The following SCFD1 variants were observed in gnomAD, a reference collection of about 807,000 sequenced individuals.
The protein encoded by SCFD1 is sec1 family domain-containing protein 1.
Under a neutral mutation model 103.2 loss-of-function variants are expected in SCFD1, and 37 were observed. The observed-to-expected ratio is 0.36, with a 90% CI of 0.28 to 0.47. SCFD1 has a LOEUF of 0.47. Among genes scored for constraint, SCFD1 ranks in the 20% least tolerant of loss-of-function variants. SCFD1 has a pLI of 1.00. For missense variants in SCFD1, 639 were observed against 761.2 expected, an observed-to-expected ratio of 0.84 and a Z score of 1.89; for synonymous variants, 264 against 245.0, an observed-to-expected ratio of 1.08 and a Z score of -0.73.
At chr14:30,650,244 T>G (rs1482585790) in intron 8 of SCFD1, among the ~76,000 whole-genome samples, 2 of 148,828 alleles carry the variant, frequency 1.3e-5, no homozygotes, top group African/African-American at 5.0e-5. Context: ...ACACCTTCCT[T>G]GATAAAACAG....
intron 10 of SCFD1, among the ~76,000 whole-genome samples, chr14:30,667,752 T>C (rs1368924536): frequency 6.6e-6 from 1 of 152,178 alleles, no homozygotes; most frequent in South Asian, 2.1e-4. Flanking sequence ...AGCATTCTTA[T>C]ACGCAAATAA....
At chr14:30,683,339 AC>A in intron 14 of SCFD1, 1 of 610,294 alleles carries the variant, frequency 1.6e-6, no homozygotes, top group Non-Finnish European at 2.9e-6. Context: ...AAGGGTAGTC[AC>A]TGGGGAACTC....
At chr14:30,707,718 T>G in intron 18 of SCFD1, 1 of 415,240 alleles carries the variant, frequency 2.4e-6, no homozygotes, top group East Asian at 5.8e-5. Context: ...GAAATTAAGA[T>G]GTTTATTTTG....
chr14:30,726,406 CTCATT>C (rs1893045773), intron 23 of SCFD1, among the ~76,000 whole-genome samples: 1 of 152,138 alleles, frequency 6.6e-6, no homozygotes, highest in Admixed American at 6.5e-5. Flanking sequence ...TATACATTTG[CTCATT>C]CATTTGGTCA....
Position 30,638,178 on chromosome 14 carries a change from T to C in SCFD1, c.366T>C (p.Ile122=), listed in dbSNP as rs1884919916. 2.5e-6 allele frequency: 4 copies of C among 1,612,362 alleles called. No individual in the cohort carries two copies. Among genetic ancestry groups the C allele is most frequent in the East Asian group, 2.2e-5 (1 of 44,756 alleles). Residue 122 remains isoleucine, a synonymous_variant, in exon 5 of 25, where the codon ATT becomes ATC. Coordinates refer to ENST00000458591, the MANE Select transcript of SCFD1 (RefSeq NM_016106.4). ...ESYYLNFISA[I]SRSKLEDIAN... ...ATTATTTAAATTTTATTTCTGCTAT[T>C]TCAAGAAGTAAACTGGAAGATATTG...
intron 10 of SCFD1, among the ~76,000 whole-genome samples, chr14:30,655,845 C>T (rs1380349597): frequency 3.3e-5 from 5 of 152,170 alleles, no homozygotes; most frequent in South Asian, 2.1e-4. Flanking sequence ...TGTGAGATGC[C>T]GGCCAGGCAT....
intron 14 of SCFD1, among the ~76,000 whole-genome samples, chr14:30,681,058 C>G (rs1444133416): frequency 1.3e-5 from 2 of 152,098 alleles, no homozygotes; most frequent in African/African-American, 4.8e-5. Context: ...AAAACCTCAT[C>G]TCTACTAAAA....
chr14:30,681,345 T>C (rs1889462618), intron 14 of SCFD1, among the ~76,000 whole-genome samples: 1 of 152,110 alleles, frequency 6.6e-6, no homozygotes, highest in South Asian at 2.1e-4. Flanking sequence ...CAGTTTTCAG[T>C]ATTTCGTGAT....
chr14:30,652,310 A>G (rs990931183), intron 9 of SCFD1: 8 of 152,162 alleles, frequency 5.3e-5, no homozygotes, highest in East Asian at 1.9e-4. Flanking sequence ...CTGTGCCTCA[A>G]TTTGCTTTCG....
chr14:30,647,505 T>C (rs985000662), intron 7 of SCFD1, among the ~76,000 whole-genome samples: 3 of 152,194 alleles, frequency 2.0e-5, no homozygotes, highest in Admixed American at 6.5e-5. Flanking sequence ...GTTAAAAATA[T>C]ATATTACCTT....
At chr14:30,675,545 T>G (rs1293851498) in intron 14 of SCFD1, among the ~76,000 whole-genome samples, 1 of 152,204 alleles carries the variant, frequency 6.6e-6, no homozygotes, top group Non-Finnish European at 1.5e-5. Flanking sequence ...AACAAGTATG[T>G]TGGGAGTTCT....
At chr14:30,623,912 C>G (rs988143915) in intron 1 of SCFD1, among the ~76,000 whole-genome samples, 1 of 152,094 alleles carries the variant, frequency 6.6e-6, no homozygotes, top group Non-Finnish European at 1.5e-5. Flanking sequence ...TGGGAGATAA[C>G]TCACAGTCCT....
At chr14:30,694,649 T>C in intron 14 of SCFD1, 124 bp from the exon 15 acceptor site, 3 of 1,328,418 alleles carry the variant, frequency 2.3e-6, no homozygotes, top group Non-Finnish European at 2.9e-6. Flanking sequence ...GAACTGTACT[T>C]TTGACCTGTC....
intron 14 of SCFD1, among the ~76,000 whole-genome samples, chr14:30,693,689 G>A (rs983129611): frequency 1.1e-4 from 16 of 152,098 alleles, no homozygotes; most frequent in Admixed American, 8.5e-4. Flanking sequence ...ATGTATTTAT[G>A]TTGTATATTT....
intron 7 of SCFD1, among the ~76,000 whole-genome samples, chr14:30,644,725 G>T (rs567568389): frequency 2.2e-4 from 34 of 151,964 alleles, no homozygotes; most frequent in Admixed American, 5.3e-4. Flanking sequence ...ATTTGTTTAA[G>T]TTCCTTATAA....
At chr14:30,733,137 G>A (rs1355584001) in intron 23 of SCFD1, among the ~76,000 whole-genome samples, 2 of 151,906 alleles carry the variant, frequency 1.3e-5, no homozygotes, top group Non-Finnish European at 2.9e-5. Context: ...AGCCTCCTGG[G>A]TAGCTGGGAT....
At chr14:30,656,731 G>A (rs1886941796) in intron 10 of SCFD1, among the ~76,000 whole-genome samples, 1 of 151,794 alleles carries the variant, frequency 6.6e-6, no homozygotes, top group South Asian at 2.1e-4. Flanking sequence ...TGAGCTGTGA[G>A]AGGTTAAAGA....
chr14:30,712,736 G>A (rs1891973173), intron 19 of SCFD1, among the ~76,000 whole-genome samples: 1 of 152,076 alleles, frequency 6.6e-6, no homozygotes, highest in Non-Finnish European at 1.5e-5. Flanking sequence ...ATATTCCTGT[G>A]TATAGGACTC....
At chr14:30,682,159 A>G (rs923085539) in intron 14 of SCFD1, among the ~76,000 whole-genome samples, 5 of 152,230 alleles carry the variant, frequency 3.3e-5, no homozygotes, top group Non-Finnish European at 5.9e-5. Context: ...GAAAAAATGC[A>G]TATGTTTGGA....
Sources: gnomAD v4.1 joint callset for allele counts (sites outside exome capture counted in the v4.1 genomes callset) on GRCh38, gnomAD v4.1.1 for gene constraint, MANE v1.5 for transcripts, NCBI Gene and HGNC (gene_info 2026-07-23, HGNC 2026-07-21) for gene names.